COP1: variants seen among roughly 807,000 people sequenced by gnomAD.
The protein encoded by COP1 is COP1 E3 ubiquitin ligase.
COP1 carries 24 observed loss-of-function variants against 101.3 expected under a neutral mutation model. That is an observed-to-expected ratio of 0.24 (90% CI 0.17 to 0.33). The LOEUF (loss-of-function observed/expected upper bound fraction) is 0.33. Ranked by LOEUF, COP1 falls within the 10% of genes least tolerant of loss-of-function variation. COP1 has a pLI of 1.00. For synonymous variants in COP1, 347 were observed against 341.9 expected (o/e 1.01, Z -0.17); for missense variants, 663 against 906.2 (o/e 0.73, Z 3.45).
chr1:175,981,010 T>C (rs993263491), intron 18 of COP1, among the ~76,000 whole-genome samples: 1 of 151,998 alleles, frequency 6.6e-6, no homozygotes, highest in East Asian at 1.9e-4. Context: ...CAGATAAGAG[T>C]CATATCACAG....
At chr1:176,119,996 C>T (rs371943582) in intron 8 of COP1, among the ~76,000 whole-genome samples, 2 of 152,016 alleles carry the variant, frequency 1.3e-5, no homozygotes, top group Non-Finnish European at 2.9e-5. Flanking sequence ...AGAACGACCA[C>T]GCTATATAAA....
intron 18 of COP1, among the ~76,000 whole-genome samples, chr1:175,974,778 A>G (rs1400981698): frequency 6.6e-6 from 1 of 151,454 alleles, no homozygotes; most frequent in African/African-American, 2.4e-5. Flanking sequence ...CAGGCCTGTA[A>G]TCTCAGCACT....
chr1:176,024,435 C>T (rs1667329646), intron 15 of COP1, among the ~76,000 whole-genome samples: 1 of 152,120 alleles, frequency 6.6e-6, no homozygotes, highest in South Asian at 2.1e-4. Context: ...CAAAATCTAA[C>T]ACCTATTCAT....
At chr1:176,025,486 G>C (rs1399145071) in intron 15 of COP1, among the ~76,000 whole-genome samples, 1 of 148,138 alleles carries the variant, frequency 6.8e-6, no homozygotes, top group Non-Finnish European at 1.5e-5. Flanking sequence ...TAAAAAAAGA[G>C]TGGACAATAA....
chr1:176,206,687 C>G lies in COP1; in HGVS notation c.292G>C (p.Gly98Arg), dbSNP rs1277923640. 1 of 1,607,010 alleles carries G rather than the reference C, an allele frequency of 6.2e-7. No individual in the cohort carries two copies. Among genetic ancestry groups the G allele is most frequent in the Non-Finnish European group, 8.5e-7 (1 of 1,179,602 alleles). Residue 98 changes from glycine to arginine, a missense_variant, in exon 1 of 20, where the codon GGC (glycine) becomes CGC (arginine). Physicochemically the swap from Gly to Arg is moderately radical, Grantham distance 125. Around this residue, in one of 4 missense-constraint regions of COP1, gnomAD observed 204 missense variants for 203.6 expected, o/e 1.00. Coordinates refer to ENST00000367669, the MANE Select transcript of COP1 (RefSeq NM_022457.7). ...RHSCAARPSA[G>R]VGGSSSSLGS... ...AGGCTGGAGCTGCTGCCTCCTACGC[C>G]GGCGCTGGGCCTGGCCGCGCAGCTG...
Position 176,061,995 on chromosome 1 carries a change from GATT to G in COP1, c.1278-15674_1278-15672del, listed in dbSNP as rs781598545. On this transcript the variant is annotated intron_variant, in intron 11 of 19. Transcript: ENST00000367669. The stretch of plus-strand genomic sequence containing the variant: ...TCATCACTAAACAAGAGAAAGACCT[GATT>G]ATTATTATTATTGTTTTTGGAGACG... Among the ~76,000 whole-genome samples the G allele has an allele frequency of 2.6e-3, 400 of 152,126 alleles. 3 individuals are homozygous for G. The highest frequency in any genetic ancestry group is 9.2e-3 in the African/African-American group (381 of 41,508).
intron 5 of COP1, among the ~76,000 whole-genome samples, chr1:176,157,055 G>A (rs781167988): frequency 3.9e-5 from 6 of 151,918 alleles, no homozygotes; most frequent in Admixed American, 1.3e-4. Flanking sequence ...AAAATTAGCC[G>A]AGGGGGGTGG....
At chr1:176,029,054 A>G (rs942801520) in intron 14 of COP1, among the ~76,000 whole-genome samples, 2 of 151,994 alleles carry the variant, frequency 1.3e-5, no homozygotes, top group African/African-American at 4.8e-5. Flanking sequence ...GGGCCCAGCC[A>G]ATTATTCGTT....
chr1:176,086,231 T>TC (rs1352614753), intron 9 of COP1, among the ~76,000 whole-genome samples: 1 of 148,772 alleles, frequency 6.7e-6, no homozygotes, highest in Non-Finnish European at 1.5e-5. Context: ...ATCTTTCTTT[T>TC]TTTTTTTTTT....
chr1:176,159,585 A>G (rs1275417595), intron 5 of COP1, among the ~76,000 whole-genome samples: 2 of 152,226 alleles, frequency 1.3e-5, no homozygotes, highest in East Asian at 3.8e-4. Flanking sequence ...CAATAGAATA[A>G]TAGATATATT....
chr1:176,006,310 A>T (rs1299819397), intron 15 of COP1, among the ~76,000 whole-genome samples: 3 of 152,130 alleles, frequency 2.0e-5, no homozygotes, highest in African/African-American at 7.2e-5. Flanking sequence ...CCAATTTGCC[A>T]GTCTGTGTCT....
At chr1:176,200,036 A>T (rs567602712) in intron 1 of COP1, among the ~76,000 whole-genome samples, 11 of 152,300 alleles carry the variant, frequency 7.2e-5, no homozygotes, top group African/African-American at 2.2e-4. Flanking sequence ...CTCTGAGCCA[A>T]ATTGTCTGAA....
intron 2 of COP1, among the ~76,000 whole-genome samples, chr1:176,177,349 TAAAAAAAA>T (rs575380846): frequency 2.3e-5 from 3 of 132,632 alleles, no homozygotes; most frequent in African/African-American, 8.4e-5. Flanking sequence ...AAAAAAATAT[TAAAAAAAA>T]AAAAGAAAAA....
chr1:176,167,152 T>C (rs763364929), intron 3 of COP1, among the ~76,000 whole-genome samples: 30 of 152,212 alleles, frequency 2.0e-4, no homozygotes, highest in African/African-American at 6.3e-4. Context: ...TATATATGTA[T>C]ATATGAAAGT....
At chr1:176,043,151 A>T in intron 14 of COP1, 35 bp downstream of exon 14, 1 of 1,284,796 alleles carries the variant, frequency 7.8e-7, no homozygotes, top group South Asian at 1.2e-5. Flanking sequence ...AGGGCCAGGG[A>T]GAAGGAGGTG....
chr1:175,988,480 T>C (rs1657635152), intron 16 of COP1, 68 bp from the exon 17 acceptor site: 1 of 1,409,640 alleles, frequency 7.1e-7, no homozygotes, highest in Non-Finnish European at 9.6e-7. Flanking sequence ...CACTACTAAT[T>C]AGAGGCAATG....
chr1:176,051,598 A>G (rs1266336023), intron 11 of COP1, among the ~76,000 whole-genome samples: 2 of 152,032 alleles, frequency 1.3e-5, no homozygotes, highest in Non-Finnish European at 2.9e-5. Context: ...AAACAAACAA[A>G]CTGTAAAGCA....
At chr1:176,002,654 A>G (rs1392530960) in intron 15 of COP1, among the ~76,000 whole-genome samples, 1 of 148,280 alleles carries the variant, frequency 6.7e-6, no homozygotes, top group Non-Finnish European at 1.5e-5. Context: ...ATGATTTCCA[A>G]TTTCATCTAT....
chr1:175,987,347 G>A (rs1044618935), intron 17 of COP1, among the ~76,000 whole-genome samples: 2 of 152,068 alleles, frequency 1.3e-5, no homozygotes, highest in Non-Finnish European at 2.9e-5. Context: ...TAATTCTAAG[G>A]CTAAAATTAC....
Sources: allele counts gnomAD v4.1 joint callset (sites outside exome capture counted in the v4.1 genomes callset), GRCh38; gene constraint gnomAD v4.1.1; regional missense constraint gnomAD v4.1.1; transcripts MANE v1.5; gene names NCBI Gene and HGNC (gene_info 2026-07-23, HGNC 2026-07-21).